The following PTPN6 variants were observed in gnomAD, a reference collection of about 807,000 sequenced individuals.
PTPN6 encodes the protein tyrosine-protein phosphatase non-receptor type 6.
A neutral mutation model predicts 81.5 loss-of-function variants in PTPN6; 18 were observed. The ratio of observed to expected loss-of-function variants is 0.22; its 90% confidence interval spans 0.15 to 0.33. PTPN6 has a LOEUF of 0.33. Among genes scored for constraint, PTPN6 ranks in the 10% least tolerant of loss-of-function variants. PTPN6 has a pLI of 1.00. For missense variants in PTPN6, 500 were observed against 794.2 expected (o/e 0.63, Z 4.45); for synonymous variants, 301 against 310.9 (o/e 0.97, Z 0.33).
intron 3 of PTPN6, among the ~76,000 whole-genome samples, chr12:6,953,886 C>G (rs1591685853): frequency 6.6e-6 from 1 of 152,138 alleles, no homozygotes; most frequent in East Asian, 1.9e-4. Context: ...CCCCTCCTTC[C>G]CCCCATCCCT....
upstream of PTPN6, among the ~76,000 whole-genome samples, chr12:6,948,113 C>T (rs1486730790): frequency 6.6e-6 from 1 of 151,536 alleles, no homozygotes; most frequent in Non-Finnish European, 1.5e-5. Flanking sequence ...TAGAGAGACC[C>T]CATCTCTATT....
In PTPN6 at chr12:6,954,972, C is replaced by A. The variant is rs1945999820; in HGVS notation, c.494C>A (p.Thr165Asn). 1 of 1,614,014 alleles carries A rather than the reference C, an allele frequency of 6.2e-7. No individual in the cohort carries two copies. Among genetic ancestry groups the A allele is most frequent in the African/African-American group, 1.3e-5 (1 of 74,944 alleles). ...KAGPGSPLRVTHIKVMCEGGR... is the reference protein window; with the variant it reads ...KAGPGSPLRVNHIKVMCEGGR... ...GGCCCAGGCTCCCCGCTCAGGGTCA[C>A]CCACATCAAGGTCATGTGCGAGGTA... is the stretch of plus-strand genomic sequence containing the variant. The change falls in exon 4 of 16, where the codon ACC becomes AAC. Residue 165 changes from threonine (T) to asparagine (N), a missense_variant. Around this residue, in one of 6 missense-constraint regions of PTPN6, gnomAD observed 96 missense variants for 137.3 expected, o/e 0.70. Transcript: ENST00000318974. This position sits in a 1 kb window ranked among gnomAD's most constrained non-coding sequence, Gnocchi z 5.4.
At chr12:6,946,956 A>C (rs933869603), upstream of PTPN6, among the ~76,000 whole-genome samples, 6 of 152,152 alleles carry the variant, frequency 3.9e-5, no homozygotes, top group Middle Eastern at 3.2e-3. Flanking sequence ...TCCCCTGGAC[A>C]AGTGTGTATC....
Position 6,951,445 on chromosome 12 carries a change from C to CTG in PTPN6, c.-67_-66insGT. 1 of 1,606,442 alleles carries CTG rather than the reference C, an allele frequency of 6.2e-7. No homozygotes were observed. Among genetic ancestry groups the CTG allele is most frequent in the Non-Finnish European group, 8.5e-7 (1 of 1,176,676 alleles). On this transcript the variant is annotated 5_prime_UTR_variant, in exon 1 of 16. Transcript: ENST00000318974. The surrounding 1 kb of genome is among the most constrained non-coding windows in gnomAD (Gnocchi z 7.2). ...GCATCTGAGGCTTAGTCCCTGAGCT[C>CTG]TCTGCCTGCCCAGACTAGCTGCACC...
In PTPN6 at chr12:6,952,103, T is replaced by C. The variant is rs186239082; in HGVS notation, c.252T>C (p.Gly84=). The change falls in exon 3 of 16, where the codon GGT becomes GGC. Residue 84 remains glycine (G), a synonymous_variant. Transcript: ENST00000318974. This position sits in a 1 kb window ranked among gnomAD's most constrained non-coding sequence, Gnocchi z 8.1. ...TGGAGTACTACACTCAGCAGCAGGG[T>C]GTCCTGCAGGACCGCGACGGCACCA... ...ELVEYYTQQQ[G]VLQDRDGTII... is the part of the protein sequence containing the mutation. 1.9e-3 allele frequency: 3,131 copies of C among 1,614,074 alleles called. 55 individuals are homozygous for C. The South Asian group carries it at 0.027, about 14-fold the overall frequency.
chr12:6,956,027 C>T lies in PTPN6; in HGVS notation c.845-115C>T. On this transcript the variant is annotated intron_variant, in intron 7 of 15. Transcript: ENST00000318974. The surrounding 1 kb of genome is among the most constrained non-coding windows in gnomAD (Gnocchi z 4.1). ...CACCCCTGCTGCCCACAGTCCCCCG[C>T]AAGCCTCATGGCTTCTGAGACCAGA... is the stretch of plus-strand genomic sequence containing the variant. 9.2e-7 allele frequency: 1 copy of T among 1,089,736 alleles called. No homozygotes were observed. The highest frequency in any genetic ancestry group is 1.4e-6 in the Non-Finnish European group (1 of 718,690). The allele number at this position is 1,089,736 out of a possible 1,614,324, so 67.5% of individuals were successfully genotyped here.
Position 6,952,192 on chromosome 12 carries a change from C to G in PTPN6, c.326+15C>G. The stretch of plus-strand genomic sequence containing the variant: ...ACTAGTGAGAGGTGAGGGCTCCGCA[C>G]CCCCGCCATTCCCAAGCAGGGATGA... On this transcript the variant is annotated intron_variant, in intron 3 of 15. Coordinates refer to ENST00000318974, the MANE Select transcript of PTPN6 (RefSeq NM_002831.6). The surrounding 1 kb of genome is among the most constrained non-coding windows in gnomAD (Gnocchi z 8.1). 1 of 1,612,950 alleles carries G rather than the reference C, an allele frequency of 6.2e-7. No homozygotes were observed. The highest frequency in any genetic ancestry group is 1.3e-5 in the African/African-American group (1 of 75,004).
upstream of PTPN6, among the ~76,000 whole-genome samples, chr12:6,950,021 C>CTA: frequency 1.6e-5 from 1 of 62,670 alleles, no homozygotes; most frequent in African/African-American, 6.7e-5. Context: ...ACCTCGTGAT[C>CTA]CGCCAGCCTT....
chr12:6,949,060 C>G (rs114796942), upstream of PTPN6, among the ~76,000 whole-genome samples: 2 of 152,246 alleles, frequency 1.3e-5, no homozygotes, highest in African/African-American at 4.8e-5. Flanking sequence ...CTCATGTCTG[C>G]CCCTGCCCCA....
At position 6,957,529 on chromosome 12, in the gene PTPN6, C is replaced by A; in HGVS notation, c.1075-125C>A. On this transcript the variant is annotated intron_variant, in intron 9 of 15. Transcript: ENST00000318974. This position sits in a 1 kb window ranked among gnomAD's most constrained non-coding sequence, Gnocchi z 6.5. ...GAGCCCAGGTCTCCTGCCTCTCTGC[C>A]AGCCCATCCGTCCATCCAACAAATG... is the stretch of plus-strand genomic sequence containing the variant. The A allele has an allele frequency of 7.6e-7, 1 of 1,318,716 alleles. No homozygotes were observed. Among genetic ancestry groups the A allele is most frequent in the Non-Finnish European group, 1.1e-6 (1 of 951,218 alleles). 81.7% of individuals were successfully genotyped at this position (1,318,716 alleles called of 1,614,324 possible).
Position 6,956,587 on chromosome 12 carries a change from C to A in PTPN6, c.1074+19C>A. On this transcript the variant is annotated intron_variant, in intron 9 of 15. Transcript: ENST00000318974. The surrounding 1 kb of genome is among the most constrained non-coding windows in gnomAD (Gnocchi z 4.1). Reference sequence around the variant, plus strand: ...AGGCCGGGTAGGGCGCCCCCCCTTCCCCGCATCCGCCCCCGTGCTTGTGGT... The same window carrying A: ...AGGCCGGGTAGGGCGCCCCCCCTTCACCGCATCCGCCCCCGTGCTTGTGGT... The A allele has an allele frequency of 6.2e-7, 1 of 1,612,966 alleles. No homozygotes were observed. The highest frequency in any genetic ancestry group is 8.5e-7 in the Non-Finnish European group (1 of 1,179,906).
rs781917538 is a variant in PTPN6 at position 6,960,073 on chromosome 12, C to A, written c.1430-15C>A. The A allele has an allele frequency of 6.2e-7, 1 of 1,613,392 alleles. No individual in the cohort carries two copies. The highest frequency in any genetic ancestry group is 8.5e-7 in the Non-Finnish European group (1 of 1,180,006). On this transcript the variant is annotated splice_polypyrimidine_tract_variant and intron_variant, in intron 12 of 15. Coordinates refer to ENST00000318974, the MANE Select transcript of PTPN6 (RefSeq NM_002831.6). This position sits in a 1 kb window ranked among gnomAD's most constrained non-coding sequence, Gnocchi z 6.1. ...GCCTATGCCTGGACCTGAGGTTTGA[C>A]TGCCCCCCACCCAGGCCTGGACTGT...
Position 6,955,373 on chromosome 12 carries a change from C to T in PTPN6, c.635C>T (p.Pro212Leu), listed in dbSNP as rs1555148454. 3.7e-6 allele frequency: 6 copies of T among 1,613,868 alleles called. No homozygotes were observed. The Admixed American group carries it at 6.7e-5, about 18-fold the overall frequency. Residue 212 changes from proline (P) to leucine (L), a missense_variant and splice_region_variant, in exon 6 of 16, where the codon CCG becomes CTG. Coordinates refer to ENST00000318974, the MANE Select transcript of PTPN6 (RefSeq NM_002831.6). This position sits in a 1 kb window ranked among gnomAD's most constrained non-coding sequence, Gnocchi z 7.2. ...ASGAFVYLRQPYYATRVNAAD... is the reference protein window; with the variant it reads ...ASGAFVYLRQLYYATRVNAAD... ...ACTTCTCGCTCTTCCCCACCCCAGC[C>T]GTACTATGCCACGAGGGTGAATGCG... is the stretch of plus-strand genomic sequence containing the variant.
intron 3 of PTPN6, chr12:6,953,589 A>G (rs781956358): frequency 1.3e-5 from 2 of 152,262 alleles, no homozygotes; most frequent in South Asian, 2.1e-4. Context: ...TCTTTCTCCC[A>G]GGTTCTGCTG....
At chr12:6,949,818 AT>A (rs1180995851), upstream of PTPN6, among the ~76,000 whole-genome samples, 119 of 137,368 alleles carry the variant, frequency 8.7e-4, no homozygotes, top group Admixed American at 8.7e-4. Flanking sequence ...ATGGTTTTTA[AT>A]TTTTTTTTTT....
At position 6,954,502 on chromosome 12, in the gene PTPN6, G is replaced by A. The variant is rs1163903850; in HGVS notation, c.327-303G>A. Among the ~76,000 whole-genome samples, 2 of 152,322 alleles carry A rather than the reference G, an allele frequency of 1.3e-5. No homozygotes were observed. The highest frequency in any genetic ancestry group is 1.9e-4 in the East Asian group (1 of 5,188). ...GTCGAGGCTGCAGAGAGCTGTAACC[G>A]CGCCACTGCACTCCAGCCTGGGCAA... is the stretch of plus-strand genomic sequence containing the variant. On this transcript the variant is annotated intron_variant, in intron 3 of 15. Transcript: ENST00000318974. This position sits in a 1 kb window ranked among gnomAD's most constrained non-coding sequence, Gnocchi z 5.4.
upstream of PTPN6, among the ~76,000 whole-genome samples, chr12:6,947,016 C>T (rs1367461410): frequency 1.3e-5 from 2 of 152,198 alleles, no homozygotes; most frequent in Admixed American, 1.3e-4. Context: ...CCTGCTTCTG[C>T]CTCCTGCTTA....
rs1945945920 is a variant in PTPN6 at position 6,952,505 on chromosome 12, CTGT to C, written c.326+333_326+335del. The C allele has an allele frequency of 2.3e-6, 1 of 444,308 alleles. No homozygotes were observed. Among genetic ancestry groups the C allele is most frequent in the Admixed American group, 3.6e-5 (1 of 28,056 alleles). The allele number at this position is 444,308 out of a possible 1,614,324, so 27.5% of individuals were successfully genotyped here. On this transcript the variant is annotated intron_variant, in intron 3 of 15. Coordinates refer to ENST00000318974, the MANE Select transcript of PTPN6 (RefSeq NM_002831.6). The surrounding 1 kb of genome is among the most constrained non-coding windows in gnomAD (Gnocchi z 8.1). ...GGCCAGCATGTCGTGCAGGCCAGCT[CTGT>C]TGTTAGAAAGCTCTTCTTCCTCTGG...
chr12:6,955,479 G>A lies in PTPN6; in HGVS notation c.741G>A (p.Glu247=), dbSNP rs1172021220. Residue 247 remains glutamate (E), a synonymous_variant, in exon 6 of 16, where the codon GAG becomes GAA. Coordinates refer to ENST00000318974, the MANE Select transcript of PTPN6 (RefSeq NM_002831.6). The surrounding 1 kb of genome is among the most constrained non-coding windows in gnomAD (Gnocchi z 7.2). ...CAGCCAAGGCTGGCTTCTGGGAGGA[G>A]TTTGAGGTGCATGGTGGGGACCGGC... ...EDTAKAGFWE[E]FESLQKQEVK... is the part of the protein sequence containing the mutation. The A allele has an allele frequency of 6.2e-7, 1 of 1,613,894 alleles. No individual in the cohort carries two copies. The highest frequency in any genetic ancestry group is 8.5e-7 in the Non-Finnish European group (1 of 1,179,940).
Sources: allele counts gnomAD v4.1 joint callset (sites outside exome capture counted in the v4.1 genomes callset), GRCh38; gene constraint gnomAD v4.1.1; regional missense constraint gnomAD v4.1.1; non-coding constraint Gnocchi (gnomAD v3.1); transcripts MANE v1.5; gene names NCBI Gene and HGNC (gene_info 2026-07-23, HGNC 2026-07-21).